ASXL1: variants seen among roughly 807,000 people sequenced by gnomAD.
ASXL1 encodes polycomb group protein ASXL1.
Under a neutral mutation model 89.1 loss-of-function variants are expected in ASXL1, and 65 were observed. That is an observed-to-expected ratio of 0.73 (90% CI 0.60 to 0.90). The LOEUF (loss-of-function observed/expected upper bound fraction) is 0.90, where lower values mean the gene tolerates loss of function less well. Among genes scored for constraint, ASXL1 ranks in the 40% least tolerant of loss-of-function variants. ASXL1 has a pLI of 0.00. For missense variants in ASXL1, 1,786 were observed against 1,942.9 expected (o/e 0.92, Z 1.52); for synonymous variants, 739 against 746.9 (o/e 0.99, Z 0.17).
At chr20:32,384,276 T>C (rs913412877) in intron 4 of ASXL1, among the ~76,000 whole-genome samples, 2 of 150,168 alleles carry the variant, frequency 1.3e-5, no homozygotes, top group Non-Finnish European at 3.0e-5. Flanking sequence ...GTGTGATCTT[T>C]GCTCACTGCA....
At chr20:32,359,137 C>T (rs573352826) in intron 1 of ASXL1, 13 of 627,416 alleles carry the variant, frequency 2.1e-5, no homozygotes, top group African/African-American at 5.5e-5. Flanking sequence ...CGTCCCCTCC[C>T]CCACTATTTG....
intron 4 of ASXL1, among the ~76,000 whole-genome samples, chr20:32,403,282 C>T (rs1279842525): frequency 1.3e-5 from 2 of 152,212 alleles, no homozygotes; most frequent in South Asian, 2.1e-4. Flanking sequence ...CAATACCGTA[C>T]TGTCTTGATT....
chr20:32,413,525 A>G (rs1038261664), intron 4 of ASXL1, among the ~76,000 whole-genome samples: 1 of 55,710 alleles, frequency 1.8e-5, no homozygotes, highest in African/African-American at 4.7e-5. Context: ...GATGTGTTCA[A>G]CGTATTTCAT....
chr20:32,419,377 A>AT (rs200017173), intron 4 of ASXL1, among the ~76,000 whole-genome samples: 1,563 of 151,326 alleles, frequency 0.01, 23 homozygotes, highest in African/African-American at 0.036. Context: ...TAATTTTTGA[A>AT]TTTTTTTGTA....
chr20:32,373,696 G>C (rs1460088677), intron 4 of ASXL1, among the ~76,000 whole-genome samples: 5 of 151,978 alleles, frequency 3.3e-5, no homozygotes, highest in African/African-American at 1.2e-4. Flanking sequence ...GTGAAACCCT[G>C]TCTCTACTGA....
At chr20:32,367,855 C>T in intron 3 of ASXL1, 126 bp downstream of exon 3, 1 of 735,972 alleles carries the variant, frequency 1.4e-6, no homozygotes, top group African/African-American at 1.7e-5. Flanking sequence ...AATTTGTAGA[C>T]AGAGGTATAA....
In ASXL1 at chr20:32,431,678, T is replaced by C. The variant is rs1371222914; in HGVS notation, c.978T>C (p.Asp326=). 1 of 1,612,560 alleles carries C rather than the reference T, an allele frequency of 6.2e-7. No homozygotes were observed. The highest frequency in any genetic ancestry group is 1.1e-5 in the South Asian group (1 of 91,012). ...AAQSWRERLA[D]GEFTHEMQVR... The stretch of plus-strand genomic sequence containing the variant: ...AGAGCTGGCGGGAGCGCCTGGCTGA[T>C]GGTATGTAGACTTGGTCATCTCGGA... Residue 326 remains aspartate (D), a splice_region_variant and synonymous_variant, in exon 10 of 13, where the codon GAT becomes GAC. Transcript: ENST00000375687.
At chr20:32,364,391 A>G (rs2048172207) in intron 1 of ASXL1, among the ~76,000 whole-genome samples, 2 of 151,584 alleles carry the variant, frequency 1.3e-5, no homozygotes, top group Non-Finnish European at 2.9e-5. Context: ...AGTTTTTTGT[A>G]TTTTTTTGTA....
chr20:32,435,335 A>G lies in ASXL1; in HGVS notation c.2623A>G (p.Met875Val), dbSNP rs747843845. 34 of 1,614,000 alleles carry G rather than the reference A, an allele frequency of 2.1e-5. No individual in the cohort carries two copies. Among genetic ancestry groups the G allele is most frequent in the Non-Finnish European group, 2.5e-5 (30 of 1,180,008 alleles). ...ELGLGGSCPP[M>V]RESDTRQENL... ...AGGGCTTGGTGGCTCATGCCCTCCT[A>G]TGAGGGAAAGTGATACTAGACAAGA... Residue 875 changes from methionine to valine, a missense_variant, in exon 13 of 13, where the codon ATG becomes GTG. Physicochemically the swap from Met to Val is conservative, Grantham distance 21 (BLOSUM62 1). This residue lies in a region of ASXL1 where 1,418 missense variants were observed against 1,427.8 expected (regional missense o/e 0.99). Coordinates refer to ENST00000375687, the MANE Select transcript of ASXL1 (RefSeq NM_015338.6).
At position 32,433,469 on chromosome 20, in the gene ASXL1, T is replaced by C. The variant is rs2011595781; in HGVS notation, c.1271T>C (p.Leu424Pro). Residue 424 changes from leucine (L) to proline (P), a missense_variant, in exon 12 of 13, where the codon CTG (leucine) becomes CCG (proline). Physicochemically the swap from Leu to Pro is moderately conservative, Grantham distance 98. Coordinates refer to ENST00000375687, the MANE Select transcript of ASXL1 (RefSeq NM_015338.6). ...CTCCGAACCAGAGCCAGAAGGAATC[T>C]GTACAAAAAACAGGAGTCAGAACAA... ...PDLRTRARRN[L>P]YKKQESEQAG... The C allele has an allele frequency of 1.2e-6, 2 of 1,614,134 alleles. No homozygotes were observed. The highest frequency in any genetic ancestry group is 2.7e-5 in the African/African-American group (2 of 75,028).
chr20:32,414,535 C>T (rs945004436), intron 4 of ASXL1, among the ~76,000 whole-genome samples: 1 of 151,836 alleles, frequency 6.6e-6, no homozygotes, highest in African/African-American at 2.4e-5. Flanking sequence ...ATAGCAACAC[C>T]CCATATCTTA....
rs73243294 is a variant in ASXL1, at chr20:32,407,333, G to C, written c.253-20795G>C. On this transcript the variant is annotated intron_variant, in intron 4 of 12. Coordinates refer to ENST00000375687, the MANE Select transcript of ASXL1 (RefSeq NM_015338.6). ...CTCTCCAACCTGGGCAACAGAGCTAGACTCCGTCTCGGGGGGAAAAAAAAG... is the reference window on the plus strand; with the variant it reads ...CTCTCCAACCTGGGCAACAGAGCTACACTCCGTCTCGGGGGGAAAAAAAAG... Among the ~76,000 whole-genome samples the C allele has an allele frequency of 3.9e-3, 598 of 151,902 alleles. 2 individuals are homozygous for C. Among genetic ancestry groups the C allele is most frequent in the African/African-American group, 0.014 (563 of 41,404 alleles).
At chr20:32,369,603 T>A (rs1427749960) in intron 4 of ASXL1, among the ~76,000 whole-genome samples, 1 of 151,998 alleles carries the variant, frequency 6.6e-6, no homozygotes, top group Admixed American at 6.6e-5. Flanking sequence ...ATGAATCAGA[T>A]ATTAGAAATT....
At chr20:32,419,141 C>G (rs1351265881) in intron 4 of ASXL1, among the ~76,000 whole-genome samples, 1 of 151,722 alleles carries the variant, frequency 6.6e-6, no homozygotes. Context: ...AAATTGACAT[C>G]TTTATGATAT....
intron 4 of ASXL1, among the ~76,000 whole-genome samples, chr20:32,420,897 G>T (rs2123161005): frequency 6.6e-6 from 1 of 152,208 alleles, no homozygotes; most frequent in Middle Eastern, 3.4e-3. Flanking sequence ...CCATAAAAAA[G>T]AATGAGTTCA....
chr20:32,434,860 TAGGAGAG>T lies in ASXL1; in HGVS notation c.2153_2159del (p.Arg718ThrfsTer5), dbSNP rs1454669006. ...AGGCCGGAACTGCCATGTCCAGAGC[TAGGAGAG>T]AGGACCTGCCTTCTCTGAGAAAGGA... On this transcript the variant is annotated frameshift_variant, in exon 13 of 13. Coordinates refer to ENST00000375687, the MANE Select transcript of ASXL1 (RefSeq NM_015338.6). LOFTEE classifies it low-confidence loss of function (END_TRUNC). 1 of 1,614,100 alleles carries T rather than the reference TAGGAGAG, an allele frequency of 6.2e-7. No individual in the cohort carries two copies. Among genetic ancestry groups the T allele is most frequent in the Non-Finnish European group, 8.5e-7 (1 of 1,180,012 alleles).
intron 4 of ASXL1, among the ~76,000 whole-genome samples, chr20:32,393,474 T>C (rs2048707321): frequency 6.6e-6 from 1 of 152,178 alleles, no homozygotes; most frequent in Admixed American, 6.5e-5. Flanking sequence ...TTTAATGTGA[T>C]TACTGATTTT....
rs142350476 is a variant in ASXL1 at position 32,374,327 on chromosome 20, G to C, written c.252+5204G>C. ...ATTTTTAGATACAGGGTCTCGCTCT[G>C]TGGCTTAAAGCTAGATGGTGCAGTG... On this transcript the variant is annotated intron_variant, in intron 4 of 12. Coordinates refer to ENST00000375687, the MANE Select transcript of ASXL1 (RefSeq NM_015338.6). Among the ~76,000 whole-genome samples the C allele has an allele frequency of 7.6e-4, 116 of 152,196 alleles. 1 individual carries two copies. In the Middle Eastern group the frequency reaches 0.021, roughly 27 times the overall value.
intron 4 of ASXL1, chr20:32,427,525 G>A: frequency 5.9e-6 from 1 of 168,268 alleles, no homozygotes; most frequent in Non-Finnish European, 1.3e-5. Flanking sequence ...CACAGCCCTA[G>A]TTTCCCTGAG....
Sources: gnomAD v4.1 joint callset for allele counts (sites outside exome capture counted in the v4.1 genomes callset) on GRCh38, gnomAD v4.1.1 for gene constraint, gnomAD v4.1.1 regional missense constraint, MANE v1.5 for transcripts, NCBI Gene and HGNC (gene_info 2026-07-23, HGNC 2026-07-21) for gene names.